The following MB21D2 variants were observed in gnomAD, a reference collection of about 807,000 sequenced individuals.
MB21D2 encodes Mab-21 domain containing 2.
MB21D2 carries 9 observed loss-of-function variants against 33.3 expected under a neutral mutation model. The ratio of observed to expected loss-of-function variants is 0.27; its 90% CI spans 0.16 to 0.47. The LOEUF is 0.47. MB21D2 is among the 20% of genes least tolerant of loss of function. The pLI is 0.99. For synonymous variants in MB21D2, 241 were observed against 236.3 expected, an observed-to-expected ratio of 1.02 and a Z score of -0.18; for missense variants, 540 against 624.6, an observed-to-expected ratio of 0.86 and a Z score of 1.44.
chr3:192,835,154 A>T (rs73060291), intron 1 of MB21D2, among the ~76,000 whole-genome samples: 2,166 of 94,810 alleles, frequency 0.023, 96 homozygotes, highest in African/African-American at 0.11. Flanking sequence ...AAGTGTCTTT[A>T]AAAAAAAAAA....
intron 1 of MB21D2, among the ~76,000 whole-genome samples, chr3:192,884,360 G>A (rs1350903242): frequency 6.6e-6 from 1 of 152,000 alleles, no homozygotes; most frequent in Non-Finnish European, 1.5e-5. Flanking sequence ...AGGTGGAGGT[G>A]CATGTCTTTT....
At chr3:192,842,079 C>T (rs1390209381) in intron 1 of MB21D2, among the ~76,000 whole-genome samples, 2 of 132,474 alleles carry the variant, frequency 1.5e-5, no homozygotes, top group South Asian at 2.1e-4. Flanking sequence ...GCTAGGAGGG[C>T]GCCACTCGGG....
In MB21D2 at chr3:192,799,133, A is replaced by C. The variant is rs560336581; in HGVS notation, c.729T>G (p.Gly243=). 6.2e-7 allele frequency: 1 copy of C among 1,614,128 alleles called. No individual in the cohort carries two copies. The highest frequency in any genetic ancestry group is 1.1e-5 in the South Asian group (1 of 91,080). The change falls in exon 2 of 2, where the codon GGT becomes GGG. Residue 243 remains glycine, a synonymous_variant. Coordinates refer to ENST00000392452, the MANE Select transcript of MB21D2 (RefSeq NM_178496.4). The surrounding 1 kb of genome is among the most constrained non-coding windows in gnomAD (Gnocchi z 4.1). ...YDIVPVVSFK[G]WPAVAQSWLM... ...GCCAGCTCTGGGCCACTGCAGGCCAACCTTTGAAAGATACCACAGGGACAA... is the reference window on the plus strand; with the variant it reads ...GCCAGCTCTGGGCCACTGCAGGCCACCCTTTGAAAGATACCACAGGGACAA...
chr3:192,807,763 T>C (rs564499802), intron 1 of MB21D2, among the ~76,000 whole-genome samples: 3 of 152,270 alleles, frequency 2.0e-5, no homozygotes, highest in Admixed American at 1.3e-4. Context: ...AGTGCTGTGC[T>C]AGACACTGAA....
At chr3:192,875,543 A>G (rs1713411503) in intron 1 of MB21D2, among the ~76,000 whole-genome samples, 1 of 152,218 alleles carries the variant, frequency 6.6e-6, no homozygotes, top group Non-Finnish European at 1.5e-5. Flanking sequence ...CGCTATGTTT[A>G]TACAGCAATA....
chr3:192,908,279 C>T (rs1010282873), intron 1 of MB21D2, among the ~76,000 whole-genome samples: 3 of 152,124 alleles, frequency 2.0e-5, no homozygotes, highest in Non-Finnish European at 4.4e-5. Flanking sequence ...ATGTGCATGA[C>T]CCCCTGGGTG....
intron 1 of MB21D2, among the ~76,000 whole-genome samples, chr3:192,817,564 T>C (rs1167010121): frequency 1.3e-5 from 2 of 152,224 alleles, no homozygotes; most frequent in South Asian, 2.1e-4. Context: ...AAATCTGTCA[T>C]CATTAAACAG....
In MB21D2 at chr3:192,798,639, G is replaced by A. The variant is rs1016546558; in HGVS notation, c.1223C>T (p.Ala408Val). 15 of 1,613,684 alleles carry A rather than the reference G, an allele frequency of 9.3e-6. No individual in the cohort carries two copies. The South Asian group carries it at 1.6e-4, about 18-fold the overall frequency. Reference sequence around the variant, plus strand: ...CTCAATGGCGGTGCGCAAGTGCTCTGCCGGGTCTGAGCGCACAGAGGACAG... The same window carrying A: ...CTCAATGGCGGTGCGCAAGTGCTCTACCGGGTCTGAGCGCACAGAGGACAG... ...RKLSSVRSDP[A>V]EHLRTAIEHV... The change falls in exon 2 of 2, where the codon GCA (alanine) becomes GTA (valine). Residue 408 changes from alanine (A) to valine (V), a missense_variant. Physicochemically the swap from Ala to Val is moderately conservative, Grantham distance 64. Transcript: ENST00000392452. This position sits in a 1 kb window ranked among gnomAD's most constrained non-coding sequence, Gnocchi z 4.8.
intron 1 of MB21D2, among the ~76,000 whole-genome samples, chr3:192,836,716 C>A (rs1189105184): frequency 6.6e-6 from 1 of 152,200 alleles, no homozygotes; most frequent in Admixed American, 6.5e-5. Context: ...GCTACCCTGT[C>A]TGTGGTATTT....
chr3:192,845,379 G>A (rs1017378846), intron 1 of MB21D2, among the ~76,000 whole-genome samples: 1 of 152,228 alleles, frequency 6.6e-6, no homozygotes, highest in Admixed American at 6.5e-5. Context: ...GTAGAGCCAA[G>A]GGTGAGCTTT....
Position 192,797,884 on chromosome 3 carries a change from AAAAT to A in MB21D2, c.*498_*501del, listed in dbSNP as rs1720557040. 1 of 153,380 alleles carries A rather than the reference AAAAT, an allele frequency of 6.5e-6. No homozygotes were observed. The highest frequency in any genetic ancestry group is 1.5e-5 in the Non-Finnish European group (1 of 68,510). 9.5% of individuals were successfully genotyped at this position (153,380 alleles called of 1,614,324 possible). A position where few individuals can be genotyped will look rare whatever the true frequency, so the allele number is the denominator to read the frequency against. On this transcript the variant is annotated 3_prime_UTR_variant, in exon 2 of 2. Coordinates refer to ENST00000392452, the MANE Select transcript of MB21D2 (RefSeq NM_178496.4). ...GGGGAAACTACTCTGGTCACTGGCCAAAATAAATAAATCCAGCTAACATGCCAAG... is the reference window on the plus strand; with the variant it reads ...GGGGAAACTACTCTGGTCACTGGCCAAAATAAATCCAGCTAACATGCCAAG...
chr3:192,848,359 A>G (rs1412780673), intron 1 of MB21D2, among the ~76,000 whole-genome samples: 1 of 152,244 alleles, frequency 6.6e-6, no homozygotes, highest in African/African-American at 2.4e-5. Flanking sequence ...TACAACAAAT[A>G]TAACATAAAT....
chr3:192,870,258 G>A (rs74470691), intron 1 of MB21D2, among the ~76,000 whole-genome samples: 3,547 of 152,188 alleles, frequency 0.023, 154 homozygotes, highest in East Asian at 0.15. Flanking sequence ...CTAGCAAATG[G>A]CATCCTCTGA....
intron 1 of MB21D2, among the ~76,000 whole-genome samples, chr3:192,873,805 C>T (rs567672700): frequency 5.9e-5 from 9 of 152,248 alleles, no homozygotes; most frequent in Middle Eastern, 6.8e-3. Context: ...CGGGTTCAAG[C>T]AATTCTCCTG....
At chr3:192,909,399 A>C (rs1370745938) in intron 1 of MB21D2, among the ~76,000 whole-genome samples, 10 of 152,244 alleles carry the variant, frequency 6.6e-5, no homozygotes, top group African/African-American at 2.2e-4. Flanking sequence ...TCAAAGCAGC[A>C]GTAAACATTT....
Position 192,799,705 on chromosome 3 carries a change from T to C in MB21D2, c.212-55A>G. The stretch of plus-strand genomic sequence containing the variant: ...ATTACAGGAAACACAGACATAAGAG[T>C]CTTATGCATGAAACAGAATGCTCTG... On this transcript the variant is annotated intron_variant, in intron 1 of 1. Transcript: ENST00000392452. This position sits in a 1 kb window ranked among gnomAD's most constrained non-coding sequence, Gnocchi z 4.1. 3.3e-6 allele frequency: 5 copies of C among 1,524,772 alleles called. No individual in the cohort carries two copies. Among genetic ancestry groups the C allele is most frequent in the Non-Finnish European group, 4.4e-6 (5 of 1,137,912 alleles). 94.5% of individuals were successfully genotyped at this position (1,524,772 alleles called of 1,614,324 possible).
At chr3:192,847,052 G>C (rs1377832008) in intron 1 of MB21D2, among the ~76,000 whole-genome samples, 2 of 152,142 alleles carry the variant, frequency 1.3e-5, no homozygotes, top group Non-Finnish European at 2.9e-5. Flanking sequence ...GGAAGCAGAG[G>C]CTCTGGAATA....
intron 1 of MB21D2, among the ~76,000 whole-genome samples, chr3:192,872,450 C>A (rs1361656102): frequency 1.3e-5 from 2 of 151,606 alleles, no homozygotes; most frequent in South Asian, 2.1e-4. Context: ...GTGGCGAGCG[C>A]CTGTAGTCCC....
At chr3:192,812,074 G>A (rs926257149) in intron 1 of MB21D2, among the ~76,000 whole-genome samples, 1 of 152,030 alleles carries the variant, frequency 6.6e-6, no homozygotes, top group African/African-American at 2.4e-5. Context: ...TGGAGATGGA[G>A]TCTCACTCTG....
Sources: gnomAD v4.1 joint callset for allele counts (sites outside exome capture counted in the v4.1 genomes callset) on GRCh38, gnomAD v4.1.1 for gene constraint, Gnocchi (gnomAD v3.1) non-coding constraint, MANE v1.5 for transcripts, NCBI Gene and HGNC (gene_info 2026-07-23, HGNC 2026-07-21) for gene names.